The following MACIR variants were observed in gnomAD, a reference collection of about 807,000 sequenced individuals.
MACIR encodes macrophage immunometabolism regulator, also known as UNC119-binding protein C5orf30.
MACIR carries 4 observed loss-of-function variants against 14.3 expected under a neutral mutation model. That is an observed-to-expected ratio of 0.28 (90% CI 0.14 to 0.64). The LOEUF is 0.64. Among genes scored for constraint, MACIR ranks in the 30% least tolerant of loss-of-function variants. The pLI is 0.83. For synonymous variants in MACIR, 101 were observed against 102.4 expected, an observed-to-expected ratio of 0.99 and a Z score of 0.08; for missense variants, 228 against 257.6, an observed-to-expected ratio of 0.89 and a Z score of 0.79.
Position 103,276,547 on chromosome 5 carries a change from T to G in MACIR, c.*7T>G. On this transcript the variant is annotated 3_prime_UTR_variant, in exon 3 of 3. Transcript: ENST00000319933. ...TGCTAGGAATAATACATGAATGACT[T>G]GGAGAGAGCTTAAACCAATTTAGGT... 6.3e-7 allele frequency: 1 copy of G among 1,599,214 alleles called. No homozygotes were observed. Among genetic ancestry groups the G allele is most frequent in the Non-Finnish European group, 8.5e-7 (1 of 1,173,648 alleles).
rs531782618 is a variant in MACIR at position 103,277,478 on chromosome 5, A to C, written c.*938A>C. ...AGGAACTCATGATTTGTACTATTGA[A>C]TGATTAAACTAAGTATGAAGTGATA... is the stretch of plus-strand genomic sequence containing the variant. On this transcript the variant is annotated 3_prime_UTR_variant, in exon 3 of 3. Transcript: ENST00000319933. The C allele has an allele frequency of 6.0e-6, 1 of 167,054 alleles. No homozygotes were observed. The highest frequency in any genetic ancestry group is 1.5e-5 in the Non-Finnish European group (1 of 68,090). The allele number at this position is 167,054 out of a possible 1,614,324, so 10.3% of individuals were successfully genotyped here.
intron 2 of MACIR, among the ~76,000 whole-genome samples, chr5:103,270,304 A>G (rs1219182287): frequency 6.6e-6 from 1 of 152,184 alleles, no homozygotes; most frequent in Non-Finnish European, 1.5e-5. Flanking sequence ...TACTTCTGGA[A>G]TTTCCTGCAG....
intron 1 of MACIR, among the ~76,000 whole-genome samples, chr5:103,265,325 C>T (rs1804885500): frequency 6.6e-6 from 1 of 152,076 alleles, no homozygotes; most frequent in African/African-American, 2.4e-5. Context: ...AAATTAATTG[C>T]ATAATAATAG....
intron 1 of MACIR, among the ~76,000 whole-genome samples, chr5:103,260,075 GTT>G (rs1452763562): frequency 1.0e-4 from 9 of 87,420 alleles, no homozygotes; most frequent in South Asian, 6.1e-4. Flanking sequence ...GTGTGTGTGT[GTT>G]TGTGTGTGTG....
intron 1 of MACIR, among the ~76,000 whole-genome samples, chr5:103,264,050 C>G (rs1335034886): frequency 1.3e-5 from 2 of 152,114 alleles, no homozygotes; most frequent in Non-Finnish European, 1.5e-5. Context: ...GGCAATAAAG[C>G]TTTTAGATAA....
intron 1 of MACIR, among the ~76,000 whole-genome samples, chr5:103,260,447 C>T (rs1438681922): frequency 6.9e-6 from 1 of 145,088 alleles, no homozygotes; most frequent in African/African-American, 2.5e-5. Context: ...ACAGAATCCT[C>T]AGTGTTTTAA....
chr5:103,263,229 T>A (rs1238549149), intron 1 of MACIR, among the ~76,000 whole-genome samples: 3 of 148,734 alleles, frequency 2.0e-5, no homozygotes, highest in Admixed American at 6.7e-5. Flanking sequence ...CTCCTCCTGC[T>A]CTTCCTCCTC....
At chr5:103,271,001 C>CA (rs1805102759) in intron 2 of MACIR, among the ~76,000 whole-genome samples, 1 of 151,796 alleles carries the variant, frequency 6.6e-6, no homozygotes, top group Admixed American at 6.6e-5. Flanking sequence ...GAGAAGACAG[C>CA]AAAAAAGAGC....
chr5:103,259,931 A>T (rs1164759768), intron 1 of MACIR: 1 of 152,256 alleles, frequency 6.6e-6, no homozygotes, highest in Non-Finnish European at 1.5e-5. Flanking sequence ...ACGCGAAGGG[A>T]ATGATGGCCC....
At chr5:103,270,356 T>C (rs1554237022) in intron 2 of MACIR, among the ~76,000 whole-genome samples, 1 of 152,178 alleles carries the variant, frequency 6.6e-6, no homozygotes, top group Non-Finnish European at 1.5e-5. Context: ...CATGTTTTCA[T>C]TGTAGAAAGA....
upstream of MACIR, among the ~76,000 whole-genome samples, chr5:103,258,446 T>C (rs1281831588): frequency 6.6e-6 from 1 of 152,082 alleles, no homozygotes; most frequent in African/African-American, 2.4e-5. Context: ...GTCCGCAAGT[T>C]GGAGCTCTTT....
intron 2 of MACIR, among the ~76,000 whole-genome samples, chr5:103,274,397 T>C (rs1250062238): frequency 6.6e-6 from 1 of 150,950 alleles, no homozygotes; most frequent in Non-Finnish European, 1.5e-5. Context: ...ATTAAAAATA[T>C]AATAAAGCTG....
intron 2 of MACIR, among the ~76,000 whole-genome samples, chr5:103,270,008 T>C (rs563974524): frequency 6.6e-6 from 1 of 152,284 alleles, no homozygotes; most frequent in Admixed American, 6.5e-5. Context: ...AGAATGGCAG[T>C]CATGTCCCTT....
At chr5:103,261,683 TTTC>T (rs1317121485) in intron 1 of MACIR, among the ~76,000 whole-genome samples, 27 of 129,886 alleles carry the variant, frequency 2.1e-4, no homozygotes, top group African/African-American at 5.2e-4. Flanking sequence ...TCTTTCTTTC[TTTC>T]TTTCTTTCTT....
At chr5:103,272,754 G>A (rs1245290156) in intron 2 of MACIR, among the ~76,000 whole-genome samples, 2 of 152,150 alleles carry the variant, frequency 1.3e-5, no homozygotes, top group South Asian at 2.1e-4. Flanking sequence ...AACAGAAGCC[G>A]TTTGTGAGAG....
chr5:103,265,559 G>T (rs1408315779), intron 1 of MACIR, among the ~76,000 whole-genome samples: 1 of 152,144 alleles, frequency 6.6e-6, no homozygotes, highest in East Asian at 1.9e-4. Flanking sequence ...TTTTTCCATA[G>T]AGTACTGTGA....
intron 1 of MACIR, 131 bp from the exon 2 acceptor site, chr5:103,265,777 G>T (rs1804904016): frequency 6.6e-6 from 1 of 152,046 alleles, no homozygotes; most frequent in Admixed American, 6.6e-5. Context: ...TAATTATTGG[G>T]TCCTATATAA....
chr5:103,275,330 T>G (rs1183912537), intron 2 of MACIR, among the ~76,000 whole-genome samples: 2 of 152,208 alleles, frequency 1.3e-5, no homozygotes, highest in African/African-American at 4.8e-5. Context: ...CTAAGAATAG[T>G]TTTTTAGGTC....
At chr5:103,275,034 T>G (rs1350351971) in intron 2 of MACIR, among the ~76,000 whole-genome samples, 1 of 152,188 alleles carries the variant, frequency 6.6e-6, no homozygotes, top group African/African-American at 2.4e-5. Flanking sequence ...TAAGGAACAA[T>G]ATTACTATTC....
Sources: gnomAD v4.1 joint callset for allele counts (sites outside exome capture counted in the v4.1 genomes callset) on GRCh38, gnomAD v4.1.1 for gene constraint, MANE v1.5 for transcripts, NCBI Gene and HGNC (gene_info 2026-07-23, HGNC 2026-07-21) for gene names.